The following TMEM132D variants were observed in gnomAD, a reference collection of about 807,000 sequenced individuals.
TMEM132D encodes transmembrane protein 132D, also known as mature OL transmembrane protein.
Under a neutral mutation model 62.3 loss-of-function variants are expected in TMEM132D, and 21 were observed. The ratio of observed to expected loss-of-function variants is 0.34; its 90% CI spans 0.24 to 0.49. The LOEUF (loss-of-function observed/expected upper bound fraction) is 0.49, where lower values mean the gene tolerates loss of function less well. Among genes scored for constraint, TMEM132D ranks in the 20% least tolerant of loss-of-function variants. TMEM132D has a pLI of 0.99. For missense variants in TMEM132D, 1,346 were observed against 1,402.8 expected (o/e 0.96, Z 0.65); for synonymous variants, 621 against 575.6 (o/e 1.08, Z -1.13).
chr12:129,338,008 T>A (rs1869350361), intron 3 of TMEM132D, among the ~76,000 whole-genome samples, 191 bp from the exon 4 acceptor site: 1 of 152,264 alleles, frequency 6.6e-6, no homozygotes, highest in African/African-American at 2.4e-5. Flanking sequence ...CTCTGCAGCA[T>A]TAGCCTGGGC....
At chr12:129,611,168 G>A (rs1309338152) in intron 2 of TMEM132D, among the ~76,000 whole-genome samples, 1 of 151,980 alleles carries the variant, frequency 6.6e-6, no homozygotes, top group Non-Finnish European at 1.5e-5. Context: ...GACCCTATCC[G>A]AAGCTCTCTC....
chr12:129,148,107 A>C (rs1225228868), intron 5 of TMEM132D, among the ~76,000 whole-genome samples: 1 of 151,822 alleles, frequency 6.6e-6, no homozygotes, highest in Non-Finnish European at 1.5e-5. Context: ...TGTTTTGTCT[A>C]CCTCCTTCTC....
intron 1 of TMEM132D, among the ~76,000 whole-genome samples, chr12:129,773,921 A>G (rs1443818611): frequency 6.6e-6 from 1 of 152,218 alleles, no homozygotes; most frequent in Non-Finnish European, 1.5e-5. Context: ...GAGAATGCTA[A>G]GATATACAGC....
intron 1 of TMEM132D, among the ~76,000 whole-genome samples, chr12:129,833,900 T>C (rs1253198521): frequency 1.3e-5 from 2 of 151,064 alleles, no homozygotes; most frequent in Non-Finnish European, 3.0e-5. Flanking sequence ...CTAAAACTAT[T>C]TTTTTTTTAA....
chr12:129,374,513 G>A (rs1047144924), intron 3 of TMEM132D, among the ~76,000 whole-genome samples: 1 of 152,140 alleles, frequency 6.6e-6, no homozygotes, highest in Non-Finnish European at 1.5e-5. Flanking sequence ...ATTTAGAGGG[G>A]ATTCGGAGGT....
At chr12:129,291,662 C>T (rs886897729) in intron 4 of TMEM132D, among the ~76,000 whole-genome samples, 1 of 152,182 alleles carries the variant, frequency 6.6e-6, no homozygotes, top group Non-Finnish European at 1.5e-5. Context: ...TTTAGTTATT[C>T]TGACAGCACG....
chr12:129,219,182 G>C (rs77905486), intron 4 of TMEM132D, among the ~76,000 whole-genome samples: 1 of 152,102 alleles, frequency 6.6e-6, no homozygotes, highest in African/African-American at 2.4e-5. Context: ...TCATGGGAGG[G>C]ACCTGGTAGG....
chr12:129,435,623 G>C (rs1032976832), intron 3 of TMEM132D, among the ~76,000 whole-genome samples: 2 of 152,126 alleles, frequency 1.3e-5, no homozygotes, highest in Non-Finnish European at 1.5e-5. Context: ...TCCTGCTTCT[G>C]CAGTACGATG....
chr12:129,108,912 C>T (rs780425940), intron 5 of TMEM132D, among the ~76,000 whole-genome samples: 6 of 152,204 alleles, frequency 3.9e-5, no homozygotes, highest in Non-Finnish European at 8.8e-5. Context: ...CACTTCCCAG[C>T]TCTCTATTCA....
chr12:129,728,795 A>G (rs1298071278), intron 1 of TMEM132D, among the ~76,000 whole-genome samples: 1 of 152,208 alleles, frequency 6.6e-6, no homozygotes, highest in African/African-American at 2.4e-5. Context: ...GAGGAAACAG[A>G]CATTGCCCAA....
chr12:129,405,114 A>G (rs1871741713), intron 3 of TMEM132D, among the ~76,000 whole-genome samples: 1 of 152,192 alleles, frequency 6.6e-6, no homozygotes, highest in Non-Finnish European at 1.5e-5. Context: ...CTATAACAAA[A>G]TACCAGAGGC....
At chr12:129,792,186 T>C (rs1003655537) in intron 1 of TMEM132D, among the ~76,000 whole-genome samples, 2 of 152,218 alleles carry the variant, frequency 1.3e-5, no homozygotes, top group African/African-American at 4.8e-5. Context: ...CAGCCCTGCT[T>C]AGCATGCATA....
intron 1 of TMEM132D, chr12:129,854,494 G>A (rs572607595): frequency 6.6e-6 from 1 of 152,304 alleles, no homozygotes; most frequent in Admixed American, 6.5e-5. Flanking sequence ...CAGTTCTTCG[G>A]GAAGAGCACT....
At chr12:129,567,773 T>C (rs1403396110) in intron 2 of TMEM132D, among the ~76,000 whole-genome samples, 4 of 152,188 alleles carry the variant, frequency 2.6e-5, no homozygotes, top group African/African-American at 4.8e-5. Flanking sequence ...TTTTTTAATT[T>C]TCTCAGTTTT....
chr12:129,396,201 C>G (rs1445286524), intron 3 of TMEM132D, among the ~76,000 whole-genome samples: 1 of 151,910 alleles, frequency 6.6e-6, no homozygotes, highest in Non-Finnish European at 1.5e-5. Context: ...AACACACTTA[C>G]GTAAAGGACA....
chr12:129,395,932 C>A (rs1157656146), intron 3 of TMEM132D, among the ~76,000 whole-genome samples: 3 of 143,988 alleles, frequency 2.1e-5, no homozygotes, highest in Non-Finnish European at 3.0e-5. Context: ...TATACACATA[C>A]TATATATAAT....
At chr12:129,530,798 G>A (rs908832883) in intron 3 of TMEM132D, among the ~76,000 whole-genome samples, 1 of 152,046 alleles carries the variant, frequency 6.6e-6, no homozygotes, top group Non-Finnish European at 1.5e-5. Context: ...ATGGTTTGTG[G>A]GTCAATTCCA....
chr12:129,432,290 CTTGGATGGATGGATGGATGGAT>C (rs1245892631), intron 3 of TMEM132D, among the ~76,000 whole-genome samples: 2 of 17,380 alleles, frequency 1.2e-4, no homozygotes, highest in African/African-American at 5.7e-4. Context: ...TGGATGGATG[CTTGGATGGATGGATGGATGGAT>C]GGATGCTTGG....
chr12:129,346,300 CTTATT>C (rs1184718727), intron 3 of TMEM132D, among the ~76,000 whole-genome samples: 2 of 151,896 alleles, frequency 1.3e-5, no homozygotes, highest in Non-Finnish European at 2.9e-5. Context: ...TTTATCATTT[CTTATT>C]TTGTCTATTT....
Sources: gnomAD v4.1 joint callset for allele counts (sites outside exome capture counted in the v4.1 genomes callset) on GRCh38, gnomAD v4.1.1 for gene constraint, MANE v1.5 for transcripts, NCBI Gene and HGNC (gene_info 2026-07-23, HGNC 2026-07-21) for gene names.